WTIP: variants seen among roughly 807,000 people sequenced by gnomAD.
WTIP encodes Wilms tumor protein 1-interacting protein.
In WTIP, 23 loss-of-function variants were observed where a neutral mutation model predicts 41.7. That is an observed-to-expected ratio of 0.55 (90% CI 0.40 to 0.78). The LOEUF (loss-of-function observed/expected upper bound fraction) is 0.78, where lower values mean the gene tolerates loss of function less well. WTIP is among the 30% of genes least tolerant of loss of function. The pLI is 0.00. For synonymous variants in WTIP, 314 were observed against 269.9 expected, an observed-to-expected ratio of 1.16 and a Z score of -1.60; for missense variants, 619 against 610.5, an observed-to-expected ratio of 1.01 and a Z score of -0.15.
At position 34,511,851 on chromosome 19, in the gene WTIP, A is replaced by G. The variant is rs551231911; in HGVS notation, c.*11582A>G. On this transcript the variant is annotated 3_prime_UTR_variant, in exon 8 of 8. Coordinates refer to ENST00000590071, the MANE Select transcript of WTIP (RefSeq NM_001080436.2). ...CCAGTTTACTAGTTTGGGATTGAAT[A>G]TTCTTACACATTTATTTGGTGAAGA... 1 of 152,314 alleles carries G rather than the reference A, an allele frequency of 6.6e-6. No individual in the cohort carries two copies. Among genetic ancestry groups the G allele is most frequent in the Non-Finnish European group, 1.5e-5 (1 of 68,020 alleles). The allele number at this position is 152,314 out of a possible 1,614,324, so 9.4% of individuals were successfully genotyped here.
chr19:34,497,643 C>T (rs746987677), intron 7 of WTIP, among the ~76,000 whole-genome samples: 5 of 152,146 alleles, frequency 3.3e-5, no homozygotes, highest in South Asian at 2.1e-4. Flanking sequence ...TGCCGGCGAC[C>T]GCGCCCCAGC....
rs990853393 is a variant in WTIP at position 34,507,452 on chromosome 19, G to T, written c.*7183G>T. On this transcript the variant is annotated 3_prime_UTR_variant, in exon 8 of 8. Transcript: ENST00000590071. ...CAAAAAAAAAAAAAAAAAAATTCCAGACTGTCCCCTTTGGATGCCAGTTGA... is the reference window on the plus strand; with the variant it reads ...CAAAAAAAAAAAAAAAAAAATTCCATACTGTCCCCTTTGGATGCCAGTTGA... 3 of 144,998 alleles carry T rather than the reference G, an allele frequency of 2.1e-5. No individual in the cohort carries two copies. The highest frequency in any genetic ancestry group is 5.2e-5 in the African/African-American group (2 of 38,230). The allele number at this position is 144,998 out of a possible 1,614,324, so 9.0% of individuals were successfully genotyped here. A position where few individuals can be genotyped will look rare whatever the true frequency, so the allele number is the denominator to read the frequency against.
intron 1 of WTIP, among the ~76,000 whole-genome samples, chr19:34,488,112 G>T (rs953930190): frequency 6.6e-6 from 1 of 151,238 alleles, no homozygotes; most frequent in African/African-American, 2.4e-5. Flanking sequence ...GTCTTACTCT[G>T]TCGGCCAGGC....
chr19:34,492,668 G>A (rs549649346), intron 2 of WTIP, among the ~76,000 whole-genome samples: 3 of 137,734 alleles, frequency 2.2e-5, no homozygotes, highest in Admixed American at 7.6e-5. Flanking sequence ...CAGCCTGGGC[G>A]ACACAGTGAT....
rs533862382 is a variant in WTIP, at chr19:34,499,350, TAAAC to T, written c.1153-775_1153-772del. On this transcript the variant is annotated intron_variant, in intron 7 of 7. Transcript: ENST00000590071. The stretch of plus-strand genomic sequence containing the variant: ...CATGAAACCCCATCACTACAAAAAA[TAAAC>T]AAAATTCACAGGGCGTGGCAGGGTG... 1.2e-3 allele frequency among the ~76,000 whole-genome samples: 176 copies of T among 149,692 alleles called. 1 individual carries two copies. In the Middle Eastern group the frequency reaches 0.018, roughly 16 times the overall value.
chr19:34,509,025 C>T lies in WTIP; in HGVS notation c.*8756C>T, dbSNP rs754611622. On this transcript the variant is annotated 3_prime_UTR_variant, in exon 8 of 8. Coordinates refer to ENST00000590071, the MANE Select transcript of WTIP (RefSeq NM_001080436.2). ...TCTACTGGACCTGGCTTTTATAAAT[C>T]ATGCGGTGATAAATAATATGGCAGT... 3.9e-5 allele frequency: 6 copies of T among 152,148 alleles called. No individual in the cohort carries two copies. Among genetic ancestry groups the T allele is most frequent in the Non-Finnish European group, 8.8e-5 (6 of 68,026 alleles). The allele number at this position is 152,148 out of a possible 1,614,324, so 9.4% of individuals were successfully genotyped here.
rs1281953009 is a variant in WTIP, at chr19:34,498,872, T to C, written c.1153-1257T>C. The stretch of plus-strand genomic sequence containing the variant: ...CTGAGATCATGCCACTGCACTCCAG[T>C]CTGGGCGAGACTCTGTCTCAAAAAA... On this transcript the variant is annotated intron_variant, in intron 7 of 7. Coordinates refer to ENST00000590071, the MANE Select transcript of WTIP (RefSeq NM_001080436.2). Among the ~76,000 whole-genome samples, 12 of 149,108 alleles carry C rather than the reference T, an allele frequency of 8.0e-5. No individual in the cohort carries two copies. The East Asian group carries it at 2.2e-3, about 27-fold the overall frequency.
intron 6 of WTIP, 124 bp from the exon 7 acceptor site, chr19:34,495,579 T>C (rs1451878202): frequency 9.7e-6 from 10 of 1,028,580 alleles, no homozygotes; most frequent in Non-Finnish European, 1.4e-5. Flanking sequence ...AGCGTGGCAG[T>C]GCTCCCCGGG....
chr19:34,492,917 T>C (rs2075832978), intron 2 of WTIP, 120 bp from the exon 3 acceptor site: 14 of 939,946 alleles, frequency 1.5e-5, no homozygotes. Flanking sequence ...AAGGGAAATT[T>C]AGAAAACCAC....
intron 1 of WTIP, 68 bp from the exon 2 acceptor site, chr19:34,490,308 G>C: frequency 6.8e-7 from 1 of 1,477,962 alleles, no homozygotes; most frequent in African/African-American, 1.4e-5. Flanking sequence ...GTGTCAAGAC[G>C]GGGAGTCCGT....
chr19:34,483,129 C>T (rs1450398442), intron 1 of WTIP, among the ~76,000 whole-genome samples: 20 of 150,500 alleles, frequency 1.3e-4, no homozygotes, highest in Admixed American at 1.1e-3. Flanking sequence ...CTCAGCCTCC[C>T]GAGAAGCTGG....
intron 6 of WTIP, among the ~76,000 whole-genome samples, chr19:34,495,061 C>T (rs1356391619): frequency 6.6e-6 from 1 of 152,178 alleles, no homozygotes; most frequent in East Asian, 1.9e-4. Context: ...GCTGGTGTGC[C>T]TGGCAAAGCA....
At chr19:34,496,153 G>A (rs1217147661) in intron 7 of WTIP, among the ~76,000 whole-genome samples, 1 of 151,100 alleles carries the variant, frequency 6.6e-6, no homozygotes, top group African/African-American at 2.4e-5. Flanking sequence ...GTGAGACTCT[G>A]TCTCAAAAAA....
At chr19:34,489,368 C>G (rs2075814307) in intron 1 of WTIP, among the ~76,000 whole-genome samples, 1 of 152,012 alleles carries the variant, frequency 6.6e-6, no homozygotes, top group Non-Finnish European at 1.5e-5. Flanking sequence ...GGGCATGTGA[C>G]TCATCTGTGT....
Position 34,493,819 on chromosome 19 carries a change from C to T in WTIP, c.1031+197C>T, listed in dbSNP as rs527833924. Reference sequence around the variant, plus strand: ...TCCTGGTGGTCCGGCCACCAGCTGTCTTTTGCCTCTTCTCTCCCTATCGTG... The same window carrying T: ...TCCTGGTGGTCCGGCCACCAGCTGTTTTTTGCCTCTTCTCTCCCTATCGTG... On this transcript the variant is annotated intron_variant, in intron 5 of 7. Coordinates refer to ENST00000590071, the MANE Select transcript of WTIP (RefSeq NM_001080436.2). The surrounding 1 kb of genome is among the most constrained non-coding windows in gnomAD (Gnocchi z 4.1). Among the ~76,000 whole-genome samples the T allele has an allele frequency of 2.4e-4, 37 of 152,214 alleles. No individual in the cohort carries two copies. Among genetic ancestry groups the T allele is most frequent in the African/African-American group, 8.9e-4 (37 of 41,532 alleles).
chr19:34,485,887 C>T (rs771704537), intron 1 of WTIP, among the ~76,000 whole-genome samples: 10 of 152,214 alleles, frequency 6.6e-5, no homozygotes, highest in African/African-American at 9.6e-5. Flanking sequence ...GCCACTACGC[C>T]TGGCCAGAGC....
chr19:34,489,962 G>C (rs2075817267), intron 1 of WTIP, among the ~76,000 whole-genome samples: 1 of 152,108 alleles, frequency 6.6e-6, no homozygotes, highest in Non-Finnish European at 1.5e-5. Context: ...AAAGTGGTTG[G>C]GTGCAGTGGC....
At position 34,482,479 on chromosome 19, in the gene WTIP, G is replaced by T; in HGVS notation, c.505G>T (p.Ala169Ser). ...FLPPGACPAP[A>S]RSPEPAGPAP... ...CCCGCCCGGCGCCTGCCCCGCGCCC[G>T]CTCGCTCCCCGGAGCCTGCGGGGCC... The change falls in exon 1 of 8, where the codon GCT becomes TCT. Residue 169 changes from alanine to serine, a missense_variant. Around this residue, in one of 3 missense-constraint regions of WTIP, gnomAD observed 363 missense variants for 309.0 expected, o/e 1.17. Coordinates refer to ENST00000590071, the MANE Select transcript of WTIP (RefSeq NM_001080436.2). 8.0e-7 allele frequency: 1 copy of T among 1,246,676 alleles called. No individual in the cohort carries two copies. The highest frequency in any genetic ancestry group is 1.0e-6 in the Non-Finnish European group (1 of 998,902). The allele number at this position is 1,246,676 out of a possible 1,614,324, so 77.2% of individuals were successfully genotyped here. A position where few individuals can be genotyped will look rare whatever the true frequency, so the allele number is the denominator to read the frequency against.
chr19:34,499,730 G>T (rs1004404082), intron 7 of WTIP, among the ~76,000 whole-genome samples: 1 of 148,124 alleles, frequency 6.8e-6, no homozygotes, highest in Non-Finnish European at 1.5e-5. Flanking sequence ...ATGGAGTTTC[G>T]CTGTTGTCAC....
Sources: gnomAD v4.1 joint callset for allele counts (sites outside exome capture counted in the v4.1 genomes callset) on GRCh38, gnomAD v4.1.1 for gene constraint, gnomAD v4.1.1 regional missense constraint, Gnocchi (gnomAD v3.1) non-coding constraint, MANE v1.5 for transcripts, NCBI Gene and HGNC (gene_info 2026-07-23, HGNC 2026-07-21) for gene names.